The following SEC63 variants were observed in gnomAD, a reference collection of about 807,000 sequenced individuals.
SEC63 encodes the protein translocation protein SEC63 homolog.
In SEC63, 56 loss-of-function variants were observed where a neutral mutation model predicts 116.2. That is an observed-to-expected ratio of 0.48 (90% CI 0.39 to 0.60). SEC63 has a LOEUF of 0.60. Ranked by LOEUF, SEC63 falls within the 20% of genes least tolerant of loss-of-function variation. The pLI is 0.00. For missense variants in SEC63, 668 were observed against 900.0 expected, an observed-to-expected ratio of 0.74 and a Z score of 3.30; for synonymous variants, 273 against 294.6, an observed-to-expected ratio of 0.93 and a Z score of 0.75.
chr6:107,888,177 T>C (rs1386770109), intron 16 of SEC63, among the ~76,000 whole-genome samples: 44 of 152,168 alleles, frequency 2.9e-4, no homozygotes, highest in Non-Finnish European at 1.3e-4. Context: ...TATAAATTAC[T>C]TTGGGGAGTG....
chr6:107,909,991 A>G (rs1165126966), intron 7 of SEC63, among the ~76,000 whole-genome samples: 1 of 151,328 alleles, frequency 6.6e-6, no homozygotes, highest in African/African-American at 2.4e-5. Context: ...TATATTAAGC[A>G]AAAAAACAGA....
rs764215302 is a variant in SEC63 at position 107,871,858 on chromosome 6, G to T, written c.2140-11C>A. ...CTCATGAACTTCCAACTAGAAAGAA[G>T]AATTAAATGTAGACATCAGAAATTT... is the stretch of plus-strand genomic sequence containing the variant. On this transcript the variant is annotated splice_polypyrimidine_tract_variant and intron_variant, in intron 20 of 20. Transcript: ENST00000369002. The T allele has an allele frequency of 6.2e-7, 1 of 1,612,960 alleles. No homozygotes were observed. The highest frequency in any genetic ancestry group is 8.5e-7 in the Non-Finnish European group (1 of 1,179,576).
At position 107,876,670 on chromosome 6, in the gene SEC63, C is replaced by CAAAAAA. The variant is rs749125299; in HGVS notation, c.1936-14_1936-9dup. The stretch of plus-strand genomic sequence containing the variant: ...CCACCATTCTTGTTTTTCCTGGAAA[C>CAAAAAA]AAAAAAAAAAAAAAAAAAAGAAGAG... On this transcript the variant is annotated splice_polypyrimidine_tract_variant and intron_variant, in intron 18 of 20. Coordinates refer to ENST00000369002, the MANE Select transcript of SEC63 (RefSeq NM_007214.5). The CAAAAAA allele has an allele frequency of 8.4e-3, 6,344 of 757,612 alleles. 51 individuals are homozygous for CAAAAAA. Among genetic ancestry groups the CAAAAAA allele is most frequent in the South Asian group, 0.019 (934 of 50,408 alleles). The allele number at this position is 757,612 out of a possible 1,614,324, so 46.9% of individuals were successfully genotyped here.
chr6:107,909,193 C>A (rs1787221524), intron 7 of SEC63, 158 bp from the exon 8 acceptor site: 2 of 588,674 alleles, frequency 3.4e-6, no homozygotes, highest in Admixed American at 2.8e-5. Flanking sequence ...CATAGTGAGA[C>A]CCTGTCTCTA....
intron 16 of SEC63, 77 bp from the exon 17 acceptor site, chr6:107,883,223 T>C (rs1786453131): frequency 2.5e-6 from 4 of 1,574,728 alleles, no homozygotes; most frequent in Non-Finnish European, 3.5e-6. Flanking sequence ...GAAGTTAACT[T>C]ATTGTCAATT....
intron 2 of SEC63, 109 bp from the exon 3 acceptor site, chr6:107,925,041 G>A (rs1406386440): frequency 3.5e-5 from 25 of 722,008 alleles, no homozygotes; most frequent in Non-Finnish European, 5.6e-5. Context: ...ATATCACTAT[G>A]CTACTGACTC....
chr6:107,950,706 G>C (rs1454833300), intron 1 of SEC63, among the ~76,000 whole-genome samples: 1 of 152,128 alleles, frequency 6.6e-6, no homozygotes, highest in East Asian at 1.9e-4. Flanking sequence ...GTAGGCTGCA[G>C]AGCCACATTT....
intron 2 of SEC63, among the ~76,000 whole-genome samples, chr6:107,929,111 C>A (rs1000572296): frequency 1.9e-4 from 29 of 152,320 alleles, no homozygotes; most frequent in African/African-American, 6.7e-4. Context: ...CTTCTGAAAT[C>A]TTTTAAAGAT....
In SEC63 at chr6:107,871,733, C is replaced by T; in HGVS notation, c.2254G>A (p.Glu752Lys). The T allele has an allele frequency of 6.2e-7, 1 of 1,613,174 alleles. No homozygotes were observed. Among genetic ancestry groups the T allele is most frequent in the Non-Finnish European group, 8.5e-7 (1 of 1,179,756 alleles). Residue 752 changes from glutamate (E) to lysine (K), a missense_variant, in exon 21 of 21, where the codon GAA (glutamate) becomes AAA (lysine). By Grantham distance (56) the Glu-to-Lys change is moderately conservative (BLOSUM62 1). Transcript: ENST00000369002. ...TCATCATCTTCTTCTTCCTCCTCTTCTTCCTCAAAGCTATCTTCAAAGCCC... is the reference window on the plus strand; with the variant it reads ...TCATCATCTTCTTCTTCCTCCTCTTTTTCCTCAAAGCTATCTTCAAAGCCC... The part of the protein sequence containing the change: ...SEGFEDSFEE[E>K]EEEEEDDD
chr6:107,914,607 A>C (rs1787357727), intron 4 of SEC63, among the ~76,000 whole-genome samples: 2 of 152,186 alleles, frequency 1.3e-5, no homozygotes, highest in African/African-American at 4.8e-5. Context: ...TACAGGAGCC[A>C]ATAAAAAGCA....
intron 18 of SEC63, among the ~76,000 whole-genome samples, chr6:107,878,777 C>T (rs754456498): frequency 2.6e-5 from 4 of 152,108 alleles, no homozygotes; most frequent in African/African-American, 4.8e-5. Flanking sequence ...ATCACTTGCA[C>T]CCAGGAGGTG....
At chr6:107,949,706 T>A (rs1443645650) in intron 1 of SEC63, among the ~76,000 whole-genome samples, 1 of 152,208 alleles carries the variant, frequency 6.6e-6, no homozygotes, top group Non-Finnish European at 1.5e-5. Context: ...CATAGCTCAC[T>A]GCAGCCTCGA....
intron 14 of SEC63, among the ~76,000 whole-genome samples, chr6:107,896,788 G>A (rs954547720): frequency 1.3e-5 from 2 of 151,898 alleles, no homozygotes; most frequent in Non-Finnish European, 2.9e-5. Context: ...AGACCAGCCT[G>A]GTCAACATGG....
chr6:107,954,111 G>A (rs1562344790), intron 1 of SEC63, among the ~76,000 whole-genome samples: 1 of 152,174 alleles, frequency 6.6e-6, no homozygotes, highest in Non-Finnish European at 1.5e-5. Context: ...TTTTCATTTT[G>A]TTCTGTACTA....
At chr6:107,938,887 C>A (rs111461047) in intron 1 of SEC63, among the ~76,000 whole-genome samples, 1 of 152,078 alleles carries the variant, frequency 6.6e-6, no homozygotes. Context: ...CTTATAATAC[C>A]GAAATATGCT....
chr6:107,875,043 T>A (rs1786230169), intron 19 of SEC63, among the ~76,000 whole-genome samples: 1 of 152,082 alleles, frequency 6.6e-6, no homozygotes, highest in African/African-American at 2.4e-5. Flanking sequence ...TTTTGTTTTT[T>A]TTAAGAGACA....
chr6:107,941,653 A>T (rs1770378514), intron 1 of SEC63, among the ~76,000 whole-genome samples: 1 of 152,244 alleles, frequency 6.6e-6, no homozygotes, highest in Non-Finnish European at 1.5e-5. Flanking sequence ...AAAGCAAAGG[A>T]GACAGGAGAG....
chr6:107,951,278 G>C (rs1421219035), intron 1 of SEC63, among the ~76,000 whole-genome samples: 1 of 152,112 alleles, frequency 6.6e-6, no homozygotes, highest in Non-Finnish European at 1.5e-5. Context: ...TCCAATCATA[G>C]CACAATGGTA....
intron 17 of SEC63, among the ~76,000 whole-genome samples, chr6:107,882,116 A>G (rs1328339725): frequency 2.6e-5 from 4 of 152,196 alleles, no homozygotes; most frequent in Non-Finnish European, 2.9e-5. Flanking sequence ...AATGCTAACA[A>G]TAGACATCTT....
Sources: allele counts gnomAD v4.1 joint callset (sites outside exome capture counted in the v4.1 genomes callset), GRCh38; gene constraint gnomAD v4.1.1; transcripts MANE v1.5; gene names NCBI Gene and HGNC (gene_info 2026-07-23, HGNC 2026-07-21).